The following LRCH1 variants were observed in gnomAD, a reference collection of about 807,000 sequenced individuals.
LRCH1 encodes leucine-rich repeat and calponin homology domain-containing protein 1.
In LRCH1, 23 loss-of-function variants were observed where a neutral mutation model predicts 94.9. That is an observed-to-expected ratio of 0.24 (90% CI 0.17 to 0.34). LRCH1 has a LOEUF of 0.34. LRCH1 is among the 10% of genes least tolerant of loss of function. LRCH1 has a pLI of 1.00. For synonymous variants in LRCH1, 364 were observed against 354.9 expected, an observed-to-expected ratio of 1.03 and a Z score of -0.29; for missense variants, 790 against 945.9, an observed-to-expected ratio of 0.84 and a Z score of 2.16.
At chr13:46,595,024 C>A (rs2050544054) in intron 1 of LRCH1, among the ~76,000 whole-genome samples, 1 of 152,156 alleles carries the variant, frequency 6.6e-6, no homozygotes, top group African/African-American at 2.4e-5. Flanking sequence ...GTTCTCCTAG[C>A]TTCTTCTGAG....
rs1873815694 is a variant in LRCH1, at chr13:46,744,374, TATTCTC to T, written c.*2527_*2532del. Reference sequence around the variant, plus strand: ...CATTTTATTTTGAAATAGCCATTTGTATTCTCTTTCTCCAGTTTCTCCAACTGGTGG... The same window carrying T: ...CATTTTATTTTGAAATAGCCATTTGTTTTCTCCAGTTTCTCCAACTGGTGG... On this transcript the variant is annotated 3_prime_UTR_variant, in exon 20 of 20. Coordinates refer to ENST00000389797, the MANE Select transcript of LRCH1 (RefSeq NM_001164211.2). 1 of 985,362 alleles carries T rather than the reference TATTCTC, an allele frequency of 1.0e-6. No homozygotes were observed. The highest frequency in any genetic ancestry group is 1.2e-6 in the Non-Finnish European group (1 of 829,948). The allele number at this position is 985,362 out of a possible 1,614,324, so 61.0% of individuals were successfully genotyped here.
At chr13:46,601,047 G>A (rs2050622679) in intron 1 of LRCH1, among the ~76,000 whole-genome samples, 1 of 152,234 alleles carries the variant, frequency 6.6e-6, no homozygotes, top group African/African-American at 2.4e-5. Context: ...GGGGAACTCA[G>A]CAGTATGGGA....
chr13:46,645,365 A>T (rs906484203), intron 1 of LRCH1, among the ~76,000 whole-genome samples: 1 of 152,222 alleles, frequency 6.6e-6, no homozygotes, highest in African/African-American at 2.4e-5. Context: ...TTCTACAGTG[A>T]AATGTCAAAT....
rs2050338746 is a variant in LRCH1 at position 46,579,270 on chromosome 13, A to G, written c.307+25567A>G. 3.9e-5 allele frequency among the ~76,000 whole-genome samples: 6 copies of G among 152,268 alleles called. No individual in the cohort carries two copies. The South Asian group carries it at 1.2e-3, about 32-fold the overall frequency. Reference sequence around the variant, plus strand: ...TGCCTGATGCGGACCCACAGAACACAGTTTAACTCTGGCTCTGTCAGCAGT... The same window carrying G: ...TGCCTGATGCGGACCCACAGAACACGGTTTAACTCTGGCTCTGTCAGCAGT... On this transcript the variant is annotated intron_variant, in intron 1 of 19. Coordinates refer to ENST00000389797, the MANE Select transcript of LRCH1 (RefSeq NM_001164211.2).
intron 1 of LRCH1, among the ~76,000 whole-genome samples, chr13:46,573,437 T>C (rs1405624230): frequency 6.6e-6 from 1 of 152,150 alleles, no homozygotes; most frequent in Non-Finnish European, 1.5e-5. Context: ...CCCATGTTTG[T>C]TGCAGCACTG....
exon 19 of LRCH1, chr13:46,750,672 G>A (rs768592680): frequency 6.0e-6 from 9 of 1,489,342 alleles, no homozygotes; most frequent in South Asian, 4.8e-5. Context: ...CTCCATTGGG[G>A]GCTCAGACTC....
Position 46,665,546 on chromosome 13 carries a change from G to A in LRCH1, c.453-3484G>A, listed in dbSNP as rs116686630. Among the ~76,000 whole-genome samples the A allele has an allele frequency of 6.4e-3, 972 of 152,236 alleles. 8 individuals carry two copies. The highest frequency in any genetic ancestry group is 0.021 in the African/African-American group (856 of 41,528). ...GGAAGTCATTTAACTGAAAAAGATG[G>A]AAGATGAAGCATTCACAATAATATG... is the stretch of plus-strand genomic sequence containing the variant. On this transcript the variant is annotated intron_variant, in intron 2 of 19. Coordinates refer to ENST00000389797, the MANE Select transcript of LRCH1 (RefSeq NM_001164211.2).
At chr13:46,587,103 T>C (rs1227222331) in intron 1 of LRCH1, among the ~76,000 whole-genome samples, 1 of 152,202 alleles carries the variant, frequency 6.6e-6, no homozygotes, top group Non-Finnish European at 1.5e-5. Context: ...GGACCTTTCT[T>C]TACCAATCCA....
At chr13:46,704,854 G>A (rs1274299467) in intron 11 of LRCH1, among the ~76,000 whole-genome samples, 2 of 151,988 alleles carry the variant, frequency 1.3e-5, no homozygotes, top group Non-Finnish European at 2.9e-5. Context: ...AAGTTGGATT[G>A]TATTACCAAT....
chr13:46,611,229 C>T (rs191190194), intron 1 of LRCH1, among the ~76,000 whole-genome samples: 84 of 152,278 alleles, frequency 5.5e-4, no homozygotes, highest in African/African-American at 1.9e-3. Flanking sequence ...TGAACACCAT[C>T]GGTTTATGCT....
intron 1 of LRCH1, among the ~76,000 whole-genome samples, chr13:46,646,311 T>C (rs774353860): frequency 1.6e-4 from 24 of 152,182 alleles, no homozygotes; most frequent in Non-Finnish European, 2.6e-4. Flanking sequence ...TATGTTATCA[T>C]AATATGTATA....
chr13:46,587,596 T>C (rs551267181), intron 1 of LRCH1, among the ~76,000 whole-genome samples: 53 of 152,348 alleles, frequency 3.5e-4, no homozygotes, highest in African/African-American at 1.2e-3. Context: ...CGAGTCTCTT[T>C]TTAGTAAATG....
chr13:46,736,017 G>C (rs370971363), intron 19 of LRCH1, among the ~76,000 whole-genome samples: 1 of 151,784 alleles, frequency 6.6e-6, no homozygotes, highest in Non-Finnish European at 1.5e-5. Context: ...GGCTGGTCGC[G>C]AACTCCTGAC....
At chr13:46,696,367 T>C (rs1253135443) in intron 9 of LRCH1, among the ~76,000 whole-genome samples, 2 of 152,134 alleles carry the variant, frequency 1.3e-5, no homozygotes, top group Non-Finnish European at 2.9e-5. Context: ...TCCATGAAAA[T>C]GTGAAAATTG....
intron 1 of LRCH1, among the ~76,000 whole-genome samples, chr13:46,644,749 T>C (rs1263329755): frequency 2.0e-5 from 3 of 152,226 alleles, no homozygotes; most frequent in Non-Finnish European, 2.9e-5. Flanking sequence ...TCCCCCAGTG[T>C]AGGCCTGGGC....
chr13:46,739,827 G>A (rs1192647172), intron 19 of LRCH1, among the ~76,000 whole-genome samples: 3 of 152,134 alleles, frequency 2.0e-5, no homozygotes, highest in Non-Finnish European at 2.9e-5. Context: ...CTGTGGCATC[G>A]TGAAATTGTT....
At chr13:46,622,715 G>T (rs2050894783) in intron 1 of LRCH1, among the ~76,000 whole-genome samples, 1 of 152,194 alleles carries the variant, frequency 6.6e-6, no homozygotes. Context: ...GGGCTAGTTT[G>T]TGTATTGAAA....
intron 2 of LRCH1, among the ~76,000 whole-genome samples, chr13:46,663,878 T>G (rs559037268): frequency 6.6e-6 from 1 of 152,296 alleles, no homozygotes; most frequent in East Asian, 1.9e-4. Context: ...TCCTTAATAG[T>G]TTTGTGATGG....
chr13:46,679,684 C>T (rs1227156210), intron 3 of LRCH1, among the ~76,000 whole-genome samples: 2 of 152,198 alleles, frequency 1.3e-5, no homozygotes, highest in African/African-American at 2.4e-5. Flanking sequence ...GGTGATGCTG[C>T]TGAACACCCG....
Sources: gnomAD v4.1 joint callset for allele counts (sites outside exome capture counted in the v4.1 genomes callset) on GRCh38, gnomAD v4.1.1 for gene constraint, MANE v1.5 for transcripts, NCBI Gene and HGNC (gene_info 2026-07-23, HGNC 2026-07-21) for gene names.